TENM2: variants seen among roughly 807,000 people sequenced by gnomAD.
The protein encoded by TENM2 is teneurin transmembrane protein 2.
Under a neutral mutation model 245.2 loss-of-function variants are expected in TENM2, and 52 were observed. The ratio of observed to expected loss-of-function variants is 0.21; its 90% CI spans 0.17 to 0.27. The LOEUF (loss-of-function observed/expected upper bound fraction) is 0.27. Ranked by LOEUF, TENM2 falls within the 10% of genes least tolerant of loss-of-function variation. The pLI is 1.00. For missense variants in TENM2, 3,046 were observed against 3,666.8 expected (o/e 0.83, Z 4.37); for synonymous variants, 1,363 against 1,438.9 (o/e 0.95, Z 1.19).
At chr5:167,977,506 A>T (rs886465213) in intron 4 of TENM2, among the ~76,000 whole-genome samples, 2 of 152,164 alleles carry the variant, frequency 1.3e-5, no homozygotes, top group East Asian at 3.8e-4. Context: ...TATAAACCCC[A>T]CTAGGCTCTC....
At chr5:168,102,561 A>C (rs1289475108) in intron 9 of TENM2, among the ~76,000 whole-genome samples, 1 of 152,206 alleles carries the variant, frequency 6.6e-6, no homozygotes, top group Non-Finnish European at 1.5e-5. Flanking sequence ...TTGAGCACAC[A>C]TAAGCCTGGC....
At chr5:168,080,282 T>G (rs1403845680) in intron 7 of TENM2, among the ~76,000 whole-genome samples, 1 of 152,234 alleles carries the variant, frequency 6.6e-6, no homozygotes, top group South Asian at 2.1e-4. Flanking sequence ...TGATATCCCC[T>G]TTATCATTTT....
chr5:167,257,930 T>A, the TENM2 span, among the ~76,000 whole-genome samples: 1 of 151,946 alleles, frequency 6.6e-6, no homozygotes, highest in Non-Finnish European at 1.5e-5. Context: ...GATTATACTT[T>A]CACATCTCAA....
chr5:167,822,688 T>TG (rs1214104012), intron 2 of TENM2, among the ~76,000 whole-genome samples: 1 of 150,966 alleles, frequency 6.6e-6, no homozygotes, highest in East Asian at 2.0e-4. Flanking sequence ...AGGGGTCTTT[T>TG]TTTTCCTCTC....
intron 1 of TENM2, among the ~76,000 whole-genome samples, chr5:167,356,041 G>A (rs1383610364): frequency 1.3e-5 from 2 of 151,072 alleles, no homozygotes; most frequent in East Asian, 3.9e-4. Context: ...AATTAGCTGG[G>A]CATGATGGCG....
In TENM2 at chr5:168,022,482, T is replaced by A. The variant is rs545523463; in HGVS notation, c.1187-24945T>A. On this transcript the variant is annotated intron_variant, in intron 5 of 28. Transcript: ENST00000518659. The stretch of plus-strand genomic sequence containing the variant: ...TATGTTTTCATTGTCTAGCCACCCT[T>A]GGCCATGAGGCGCTGCATCCGGCTT... 5.9e-5 allele frequency among the ~76,000 whole-genome samples: 9 copies of A among 152,362 alleles called. No homozygotes were observed. The South Asian group carries it at 1.7e-3, about 28-fold the overall frequency.
At chr5:167,487,357 A>T (rs1768140218) in intron 2 of TENM2, among the ~76,000 whole-genome samples, 1 of 152,096 alleles carries the variant, frequency 6.6e-6, no homozygotes, top group Non-Finnish European at 1.5e-5. Context: ...GTGTGTGTAT[A>T]TGAGTGAGTA....
Position 167,698,679 on chromosome 5 carries a change from GTTT to G in TENM2, c.503-177287_503-177285del, listed in dbSNP as rs1225922111. 1.4e-4 allele frequency among the ~76,000 whole-genome samples: 14 copies of G among 97,740 alleles called. No homozygotes were observed. The East Asian group carries it at 1.5e-3, about 11-fold the overall frequency. The allele number at this position is 97,740 out of a possible 152,430, so 64.1% of individuals were successfully genotyped here. ...GTGTGTGTGTTTTGTTTTGTTTTTTGTTTTTTTTTTTTTTTTTTTTTTGAGACA... is the reference window on the plus strand; with the variant it reads ...GTGTGTGTGTTTTGTTTTGTTTTTTGTTTTTTTTTTTTTTTTTTTGAGACA... On this transcript the variant is annotated intron_variant, in intron 2 of 28. Transcript: ENST00000518659.
upstream of TENM2, chr5:167,284,666 T>A (rs1476347881): frequency 1.6e-6 from 1 of 607,520 alleles, no homozygotes; most frequent in African/African-American, 1.8e-5. Flanking sequence ...TGACCAAGGC[T>A]GCATGTTCAT....
chr5:167,388,483 T>G (rs1030548104), intron 2 of TENM2, among the ~76,000 whole-genome samples: 3 of 152,102 alleles, frequency 2.0e-5, no homozygotes, highest in African/African-American at 4.8e-5. Flanking sequence ...TCTTTTGTAT[T>G]TTTTTGTTGC....
chr5:168,057,944 G>A (rs1196754277), intron 6 of TENM2, among the ~76,000 whole-genome samples: 1 of 151,990 alleles, frequency 6.6e-6, no homozygotes, highest in Non-Finnish European at 1.5e-5. Context: ...CTCTGGGCAT[G>A]AGTGAGCCTG....
chr5:167,510,350 T>A (rs1769855544), intron 2 of TENM2, among the ~76,000 whole-genome samples: 1 of 152,192 alleles, frequency 6.6e-6, no homozygotes, highest in African/African-American at 2.4e-5. Flanking sequence ...CTGTGACCAT[T>A]TTGGTGGCAT....
chr5:167,577,008 A>G (rs1172878594), intron 2 of TENM2, among the ~76,000 whole-genome samples: 1 of 152,218 alleles, frequency 6.6e-6, no homozygotes, highest in Non-Finnish European at 1.5e-5. Flanking sequence ...TGATGGAGAA[A>G]ATAGGAATGC....
At chr5:167,206,479 T>A in the TENM2 span, among the ~76,000 whole-genome samples, 1 of 152,136 alleles carries the variant, frequency 6.6e-6, no homozygotes, top group Non-Finnish European at 1.5e-5. Flanking sequence ...ATGTTCCATA[T>A]CCCATGAAAG....
At chr5:167,805,595 TC>T (rs1766105195) in intron 2 of TENM2, among the ~76,000 whole-genome samples, 1 of 152,134 alleles carries the variant, frequency 6.6e-6, no homozygotes, top group Non-Finnish European at 1.5e-5. Context: ...GAAACTTACC[TC>T]CCACAGTGGC....
intron 1 of TENM2, among the ~76,000 whole-genome samples, chr5:167,286,346 G>C (rs979714131): frequency 2.0e-5 from 3 of 152,096 alleles, no homozygotes; most frequent in Non-Finnish European, 4.4e-5. Context: ...TGAGAAAATG[G>C]GGGCAGAGGC....
At chr5:167,849,362 T>C (rs572575062) in intron 2 of TENM2, among the ~76,000 whole-genome samples, 1 of 152,362 alleles carries the variant, frequency 6.6e-6, no homozygotes, top group South Asian at 2.1e-4. Flanking sequence ...ACTCTCACAC[T>C]TCTGACACTT....
intron 23 of TENM2, among the ~76,000 whole-genome samples, chr5:168,224,593 T>G (rs1005894102): frequency 3.3e-5 from 5 of 152,138 alleles, no homozygotes; most frequent in Admixed American, 2.0e-4. Flanking sequence ...AGCGGTCCTT[T>G]CCACCGCTCA....
intron 1 of TENM2, among the ~76,000 whole-genome samples, chr5:167,362,663 C>T (rs1759786840): frequency 6.6e-6 from 1 of 152,132 alleles, no homozygotes; most frequent in African/African-American, 2.4e-5. Context: ...ATGTTAGCAG[C>T]GTCTCTACTG....
Sources: gnomAD v4.1 joint callset for allele counts (sites outside exome capture counted in the v4.1 genomes callset) on GRCh38, gnomAD v4.1.1 for gene constraint, MANE v1.5 for transcripts, NCBI Gene and HGNC (gene_info 2026-07-23, HGNC 2026-07-21) for gene names.